AQR: variants seen among roughly 807,000 people sequenced by gnomAD.
AQR encodes RNA helicase aquarius.
AQR carries 61 observed loss-of-function variants against 180.5 expected under a neutral mutation model. That is an observed-to-expected ratio of 0.34 (90% CI 0.28 to 0.42). AQR has a LOEUF of 0.42. Ranked by LOEUF, AQR falls within the 10% of genes least tolerant of loss-of-function variation. The pLI is 1.00. For synonymous variants in AQR, 551 were observed against 588.8 expected, an observed-to-expected ratio of 0.94 and a Z score of 0.93; for missense variants, 1,281 against 1,798.3, an observed-to-expected ratio of 0.71 and a Z score of 5.20.
chr15:34,875,332 T>C (rs1344941201), intron 28 of AQR, among the ~76,000 whole-genome samples: 2 of 152,200 alleles, frequency 1.3e-5, no homozygotes, highest in Non-Finnish European at 2.9e-5. Flanking sequence ...CTACTCTATA[T>C]GTCTCCTAGT....
rs145950142 is a variant in AQR, at chr15:34,879,668, G to A, written c.3165+2834C>T. 5.3e-4 allele frequency among the ~76,000 whole-genome samples: 80 copies of A among 152,032 alleles called. 1 individual carries two copies. In the East Asian group the frequency reaches 0.014, roughly 26 times the overall value. On this transcript the variant is annotated intron_variant, in intron 27 of 34. Coordinates refer to ENST00000156471, the MANE Select transcript of AQR (RefSeq NM_014691.3). ...ATTGGCTTCTAGTGCACTGAGCAGC[G>A]AGCCCCTTTTGCTTGGTAACAATAG... is the stretch of plus-strand genomic sequence containing the variant.
chr15:34,946,584 G>T (rs1310005568), intron 5 of AQR, among the ~76,000 whole-genome samples: 2 of 148,408 alleles, frequency 1.3e-5, no homozygotes, highest in African/African-American at 5.0e-5. Context: ...GAGGTGGGGG[G>T]GGTCAGCCCC....
intron 2 of AQR, among the ~76,000 whole-genome samples, chr15:34,963,782 G>T (rs2050294864): frequency 6.6e-6 from 1 of 150,652 alleles, no homozygotes; most frequent in African/African-American, 2.5e-5. Flanking sequence ...TCCTGCCTCA[G>T]CCTCCCGAGT....
chr15:34,963,461 A>G (rs1373478595), intron 2 of AQR, among the ~76,000 whole-genome samples: 1 of 152,158 alleles, frequency 6.6e-6, no homozygotes, highest in African/African-American at 2.4e-5. Flanking sequence ...CATCTTTATT[A>G]TAGACCTTTA....
rs760787056 is a variant in AQR at position 34,890,343 on chromosome 15, A to C, written c.2572-19T>G. 6.3e-7 allele frequency: 1 copy of C among 1,599,942 alleles called. No homozygotes were observed. The highest frequency in any genetic ancestry group is 1.1e-5 in the South Asian group (1 of 88,746). ...TTAGGGCCTAGACAATAAAGCAAGA[A>C]GGGTGACGGCACCTTTAAACGTAGC... On this transcript the variant is annotated intron_variant, in intron 23 of 34. Transcript: ENST00000156471.
rs531696499 is a variant in AQR at position 34,946,140 on chromosome 15, G to A, written c.331-1712C>T. Among the ~76,000 whole-genome samples the A allele has an allele frequency of 2.6e-5, 4 of 151,974 alleles. No homozygotes were observed. The South Asian group carries it at 8.3e-4, about 32-fold the overall frequency. On this transcript the variant is annotated intron_variant, in intron 5 of 34. Transcript: ENST00000156471. ...ACAACAATTAGCTGGGCATGGTGGC[G>A]GGCACCTGTAATCCCAGCTTCTTGG... is the stretch of plus-strand genomic sequence containing the variant.
rs191650151 is a variant in AQR at position 34,859,242 on chromosome 15, A to T, written c.4143+800T>A. Among the ~76,000 whole-genome samples the T allele has an allele frequency of 5.4e-3, 826 of 152,330 alleles. 10 individuals are homozygous for T. Among genetic ancestry groups the T allele is most frequent in the Middle Eastern group, 0.01 (3 of 294 alleles). Reference sequence around the variant, plus strand: ...ACAGCCTAATAAAAAAATGAGCAGGAAACCTGAGCAGACACATCCCCAAAG... The same window carrying T: ...ACAGCCTAATAAAAAAATGAGCAGGTAACCTGAGCAGACACATCCCCAAAG... On this transcript the variant is annotated intron_variant, in intron 34 of 34. Coordinates refer to ENST00000156471, the MANE Select transcript of AQR (RefSeq NM_014691.3).
chr15:34,883,160 A>G (rs1893002095), intron 26 of AQR, among the ~76,000 whole-genome samples: 1 of 152,134 alleles, frequency 6.6e-6, no homozygotes, highest in Non-Finnish European at 1.5e-5. Context: ...TTCCAGCAGA[A>G]ACTGGAATCA....
rs781633908 is a variant in AQR, at chr15:34,897,616, A to G, written c.2333T>C (p.Ile778Thr). Residue 778 changes from isoleucine to threonine, a missense_variant, in exon 21 of 35, where the codon ATT becomes ACT. Ile to Thr is a moderately conservative substitution (Grantham distance 89, BLOSUM62 -1). Around this residue, in one of 9 missense-constraint regions of AQR, gnomAD observed 112 missense variants for 128.6 expected, o/e 0.87. Transcript: ENST00000156471. ...DEDTEEAKTL[I>T]VEPHVIPNRG... Reference sequence around the variant, plus strand: ...ATTAGGAATAACATGGGGCTCAACAATTAAGGTTTTTGCTTCCTCGGTGTC... The same window carrying G: ...ATTAGGAATAACATGGGGCTCAACAGTTAAGGTTTTTGCTTCCTCGGTGTC... The G allele has an allele frequency of 1.2e-6, 2 of 1,614,146 alleles. No individual in the cohort carries two copies. Among genetic ancestry groups the G allele is most frequent in the South Asian group, 1.1e-5 (1 of 91,074 alleles).
At chr15:34,872,858 A>C (rs1566979684) in intron 30 of AQR, among the ~76,000 whole-genome samples, 1 of 152,126 alleles carries the variant, frequency 6.6e-6, no homozygotes, top group Non-Finnish European at 1.5e-5. Flanking sequence ...AGAGAAAAAA[A>C]GAAAAAAATT....
At chr15:34,933,113 G>A (rs1893891334) in intron 10 of AQR, among the ~76,000 whole-genome samples, 1 of 152,222 alleles carries the variant, frequency 6.6e-6, no homozygotes, top group Non-Finnish European at 1.5e-5. Flanking sequence ...AAATCCCTAT[G>A]TGGAGATTCC....
At chr15:34,869,122 G>GT (rs1374416828) in intron 31 of AQR, 1 of 151,984 alleles carries the variant, frequency 6.6e-6, no homozygotes, top group Non-Finnish European at 1.5e-5. Flanking sequence ...GTAAACTCTA[G>GT]AACCCCAGTT....
At chr15:34,872,151 T>C (rs1473393134) in intron 30 of AQR, among the ~76,000 whole-genome samples, 3 of 152,108 alleles carry the variant, frequency 2.0e-5, no homozygotes, top group Non-Finnish European at 4.4e-5. Flanking sequence ...GCATTAACAA[T>C]AAAACAACAT....
At chr15:34,932,251 G>A (rs1893875852) in intron 11 of AQR, 67 bp downstream of exon 11, 1 of 1,335,668 alleles carries the variant, frequency 7.5e-7, no homozygotes, top group Non-Finnish European at 1.1e-6. Flanking sequence ...ACTCCCAGTT[G>A]TGTGGCAAAG....
At position 34,918,316 on chromosome 15, in the gene AQR, T is replaced by C. The variant is rs776237898; in HGVS notation, c.1284A>G (p.Pro428=). Residue 428 remains proline, a synonymous_variant, in exon 15 of 35, where the codon CCA becomes CCG. Coordinates refer to ENST00000156471, the MANE Select transcript of AQR (RefSeq NM_014691.3). ...TTTCATCCCATATAATTTTCTCAGT[T>C]GGATACAAAGGCATCTGGTTCAACT... ...IQQLNQMPLY[P]TEKIIWDENI... The C allele has an allele frequency of 1.9e-6, 3 of 1,613,928 alleles. No homozygotes were observed. The highest frequency in any genetic ancestry group is 1.3e-5 in the African/African-American group (1 of 75,054).
intron 5 of AQR, among the ~76,000 whole-genome samples, chr15:34,945,488 A>T (rs1194842637): frequency 6.6e-6 from 1 of 152,168 alleles, no homozygotes. Context: ...TCATTTCTCT[A>T]TTTCAAGGCC....
intron 24 of AQR, among the ~76,000 whole-genome samples, chr15:34,887,836 G>T (rs1893085643): frequency 6.6e-6 from 1 of 152,182 alleles, no homozygotes; most frequent in Non-Finnish European, 1.5e-5. Context: ...TATGCTTGAA[G>T]AATTTTTCAA....
intron 4 of AQR, among the ~76,000 whole-genome samples, chr15:34,948,633 C>G (rs1894165458): frequency 1.3e-5 from 2 of 151,900 alleles, no homozygotes; most frequent in Admixed American, 1.3e-4. Flanking sequence ...AACCCCATCT[C>G]TACTAAAAAT....
At chr15:34,857,985 CGATT>C (rs1351372172) in intron 34 of AQR, among the ~76,000 whole-genome samples, 5 of 151,948 alleles carry the variant, frequency 3.3e-5, no homozygotes, top group Non-Finnish European at 5.9e-5. Flanking sequence ...ATTGATTGAT[CGATT>C]GATTGATTGA....
Sources: gnomAD v4.1 joint callset for allele counts (sites outside exome capture counted in the v4.1 genomes callset) on GRCh38, gnomAD v4.1.1 for gene constraint, gnomAD v4.1.1 regional missense constraint, MANE v1.5 for transcripts, NCBI Gene and HGNC (gene_info 2026-07-23, HGNC 2026-07-21) for gene names.